ZNF728: variants seen among roughly 807,000 people sequenced by gnomAD.
The protein encoded by ZNF728 is zinc finger protein 728.
ZNF728 carries 12 observed loss-of-function variants against 12.5 expected under a neutral mutation model. The ratio of observed to expected loss-of-function variants is 0.96; its 90% CI spans 0.61 to 1.55. The LOEUF (loss-of-function observed/expected upper bound fraction) is 1.55, where lower values mean the gene tolerates loss of function less well. Ranked by LOEUF, ZNF728 falls within the 40% of genes most tolerant of loss-of-function variation. The probability of loss-of-function intolerance (pLI) is 0.00; values close to 1 mark genes in which losing one functional copy is unlikely to be tolerated. For synonymous variants in ZNF728, 205 were observed against 240.7 expected (o/e 0.85, Z 1.37); for missense variants, 692 against 719.2 (o/e 0.96, Z 0.43).
At chr19:22,988,013 T>C (rs1968937344) in intron 2 of ZNF728, among the ~76,000 whole-genome samples, 1 of 151,984 alleles carries the variant, frequency 6.6e-6, no homozygotes, top group Non-Finnish European at 1.5e-5. Context: ...GCCATGCTTC[T>C]TGAGGTTATC....
intron 1 of ZNF728, among the ~76,000 whole-genome samples, chr19:22,990,798 T>G (rs1968979287): frequency 6.6e-6 from 1 of 151,154 alleles, no homozygotes; most frequent in African/African-American, 2.4e-5. Flanking sequence ...GTAAAAAGAG[T>G]TCTGCAAAAT....
Position 22,976,728 on chromosome 19 carries a change from A to G in ZNF728, c.609T>C (p.Ser203=). The G allele has an allele frequency of 6.2e-7, 1 of 1,613,448 alleles. No individual in the cohort carries two copies. Residue 203 remains serine, a synonymous_variant, in exon 4 of 4, where the codon AGT becomes AGC. Transcript: ENST00000594710. ...AGTTAAAGGCTTTGCCATGTTCTTCACTTTTGTAGGAATTCTCTCTAGTAT... is the reference window on the plus strand; with the variant it reads ...AGTTAAAGGCTTTGCCATGTTCTTCGCTTTTGTAGGAATTCTCTCTAGTAT... ...RIYTRENSYK[S]EEHGKAFNWS...
intron 1 of ZNF728, among the ~76,000 whole-genome samples, chr19:22,992,651 C>T (rs1420618053): frequency 1.3e-5 from 2 of 152,090 alleles, no homozygotes. Context: ...TGATTTTTTA[C>T]CCGAGTACAG....
In ZNF728 at chr19:22,976,089, T is replaced by C; in HGVS notation, c.1248A>G (p.Ile416Met). 6.2e-7 allele frequency: 1 copy of C among 1,612,888 alleles called. No homozygotes were observed. ...TGTAGGGTTTCTCTCCAGTATGAATTATCTTATGTTTAGTAAGTGTTGAGG... is the reference window on the plus strand; with the variant it reads ...TGTAGGGTTTCTCTCCAGTATGAATCATCTTATGTTTAGTAAGTGTTGAGG... ...KWSSTLTKHK[I>M]IHTGEKPYKC... The change falls in exon 4 of 4, where the codon ATA becomes ATG. Residue 416 changes from isoleucine (I) to methionine (M), a missense_variant. This residue lies in a region of ZNF728 where 8 missense variants were observed against 24.4 expected (regional missense o/e 0.33). Transcript: ENST00000594710.
intron 1 of ZNF728, among the ~76,000 whole-genome samples, chr19:23,000,876 A>AAAAC (rs1227418050): frequency 1.5e-4 from 18 of 123,684 alleles, no homozygotes; most frequent in African/African-American, 7.9e-4. Flanking sequence ...AAAAAAAAAA[A>AAAAC]AAAAAAAAAC....
At chr19:22,994,360 C>G (rs941560380) in intron 1 of ZNF728, among the ~76,000 whole-genome samples, 3 of 152,198 alleles carry the variant, frequency 2.0e-5, no homozygotes, top group Admixed American at 6.5e-5. Context: ...TACATTATGT[C>G]TGGTAATTCT....
Position 22,988,383 on chromosome 19 carries a change from T to C in ZNF728, c.72A>G (p.Ala24=), listed in dbSNP as rs1379204976. The change falls in exon 2 of 4, where the codon GCA becomes GCG. Residue 24 remains alanine (A), a synonymous_variant. Transcript: ENST00000594710. ...TCACATTCCTATATAAATTCTGCTG[T>C]GCAGTGTCCAGGCATTGCCACTCCT... ...SLEEWQCLDT[A]QQNLYRNVML... The C allele has an allele frequency of 1.2e-6, 2 of 1,614,080 alleles. No homozygotes were observed. Among genetic ancestry groups the C allele is most frequent in the African/African-American group, 2.7e-5 (2 of 74,924 alleles).
intron 3 of ZNF728, among the ~76,000 whole-genome samples, chr19:22,980,973 G>A (rs1358161265): frequency 3.3e-5 from 5 of 151,506 alleles, no homozygotes; most frequent in African/African-American, 1.2e-4. Flanking sequence ...AACTGGAGAA[G>A]CAAGAACAAA....
chr19:22,979,879 C>T (rs1470451932), intron 3 of ZNF728, among the ~76,000 whole-genome samples: 1 of 152,106 alleles, frequency 6.6e-6, no homozygotes, highest in African/African-American at 2.4e-5. Context: ...TACAAAGGAA[C>T]GACTGGTACC....
At position 23,003,046 on chromosome 19, in the gene ZNF728, G is replaced by A. The variant is rs756051934; in HGVS notation, c.-16C>T. The A allele has an allele frequency of 1.5e-5, 24 of 1,581,976 alleles. No individual in the cohort carries two copies. Among genetic ancestry groups the A allele is most frequent in the South Asian group, 1.2e-5 (1 of 86,026 alleles). On this transcript the variant is annotated 5_prime_UTR_variant, in exon 1 of 4. Coordinates refer to ENST00000594710, the MANE Select transcript of ZNF728 (RefSeq NM_001267716.2). Reference sequence around the variant, plus strand: ...GACTCACCATTTCTAGGCTTCCGGGGGTCCTGGCGACTTAGTTGTGAATCT... The same window carrying A: ...GACTCACCATTTCTAGGCTTCCGGGAGTCCTGGCGACTTAGTTGTGAATCT...
Position 23,003,167 on chromosome 19 carries a change from G to T in ZNF728, c.-137C>A. On this transcript the variant is annotated 5_prime_UTR_variant, in exon 1 of 4. Coordinates refer to ENST00000594710, the MANE Select transcript of ZNF728 (RefSeq NM_001267716.2). ...CGACACCTTGACCTCCGCGTGCAGCGAGAGCCAACGGTCCTACCACATCCC... is the reference window on the plus strand; with the variant it reads ...CGACACCTTGACCTCCGCGTGCAGCTAGAGCCAACGGTCCTACCACATCCC... The T allele has an allele frequency of 1.9e-6, 2 of 1,043,852 alleles. No individual in the cohort carries two copies. Among genetic ancestry groups the T allele is most frequent in the Non-Finnish European group, 1.4e-6 (1 of 736,882 alleles). 64.7% of individuals were successfully genotyped at this position (1,043,852 alleles called of 1,614,324 possible). A position where few individuals can be genotyped will look rare whatever the true frequency, so the allele number is the denominator to read the frequency against.
chr19:23,002,980 C>G, intron 1 of ZNF728, 48 bp downstream of exon 1: 2 of 1,586,566 alleles, frequency 1.3e-6, no homozygotes, highest in Non-Finnish European at 1.7e-6. Flanking sequence ...CCACCGGTTC[C>G]AACCAGCGGC....
chr19:22,987,219 G>T, intron 3 of ZNF728, 89 bp downstream of exon 3: 1 of 1,195,854 alleles, frequency 8.4e-7, no homozygotes, highest in South Asian at 2.2e-5. Context: ...ATTTCTTTTG[G>T]AACACAGCTT....
intron 1 of ZNF728, among the ~76,000 whole-genome samples, chr19:23,002,134 G>A (rs1160884733): frequency 6.6e-6 from 1 of 152,204 alleles, no homozygotes; most frequent in Non-Finnish European, 1.5e-5. Context: ...TGACCAACAT[G>A]GTGAAACCCC....
intron 1 of ZNF728, among the ~76,000 whole-genome samples, chr19:22,997,640 AAG>A (rs1969062629): frequency 6.6e-6 from 1 of 152,088 alleles, no homozygotes; most frequent in Non-Finnish European, 1.5e-5. Context: ...TAGCAAAGGC[AAG>A]AAGTAACCAA....
intron 3 of ZNF728, among the ~76,000 whole-genome samples, chr19:22,984,226 T>C (rs1968890258): frequency 6.7e-6 from 1 of 148,794 alleles, no homozygotes; most frequent in Admixed American, 6.7e-5. Context: ...TTTCTATGAC[T>C]AAACTCAAAT....
chr19:22,982,016 G>C (rs1346366249), intron 3 of ZNF728, among the ~76,000 whole-genome samples: 1 of 152,124 alleles, frequency 6.6e-6, no homozygotes, highest in East Asian at 1.9e-4. Flanking sequence ...CATAGTATTG[G>C]AAGTTCTGGT....
At chr19:22,980,318 CAAG>C (rs1191601184) in intron 3 of ZNF728, among the ~76,000 whole-genome samples, 11 of 151,460 alleles carry the variant, frequency 7.3e-5, no homozygotes, top group African/African-American at 2.7e-4. Flanking sequence ...GTCAATGCAA[CAAG>C]AAGAGCTAAC....
chr19:22,991,188 T>A (rs773037014), intron 1 of ZNF728, among the ~76,000 whole-genome samples: 11 of 152,222 alleles, frequency 7.2e-5, no homozygotes, highest in Non-Finnish European at 1.2e-4. Flanking sequence ...AATTTCTGAG[T>A]AAGTCTGCAT....
Sources: allele counts gnomAD v4.1 joint callset (sites outside exome capture counted in the v4.1 genomes callset), GRCh38; gene constraint gnomAD v4.1.1; regional missense constraint gnomAD v4.1.1; transcripts MANE v1.5; gene names NCBI Gene and HGNC (gene_info 2026-07-23, HGNC 2026-07-21).